IL1RAPL2: variants seen among roughly 807,000 people sequenced by gnomAD.
IL1RAPL2 encodes the protein interleukin 1 receptor accessory protein like 2.
IL1RAPL2 carries 3 observed loss-of-function variants against 44.1 expected under a neutral mutation model. That is an observed-to-expected ratio of 0.07 (90% CI 0.03 to 0.18). IL1RAPL2 has a LOEUF of 0.18. Among genes scored for constraint, IL1RAPL2 ranks in the 10% least tolerant of loss-of-function variants. The probability of loss-of-function intolerance (pLI) is 1.00; values close to 1 mark genes in which losing one functional copy is unlikely to be tolerated. For missense variants in IL1RAPL2, 391 were observed against 496.4 expected, an observed-to-expected ratio of 0.79 and a Z score of 2.02; for synonymous variants, 181 against 178.8, an observed-to-expected ratio of 1.01 and a Z score of -0.10.
intron 2 of IL1RAPL2, among the ~76,000 whole-genome samples, chrX:104,946,058 T>C (rs1199970270): frequency 1.8e-5 from 2 of 110,303 alleles, no homozygotes; most frequent in Admixed American, 9.7e-5. Context: ...TCATTTATTA[T>C]TTTTTTATAT....
At chrX:105,084,919 C>T (rs777801383) in intron 2 of IL1RAPL2, among the ~76,000 whole-genome samples, 3 of 111,162 alleles carry the variant, frequency 2.7e-5, no homozygotes, top group Non-Finnish European at 5.7e-5. Context: ...AGGCTGTTCT[C>T]ATCATAGTGA....
In IL1RAPL2 at chrX:104,729,558, G is replaced by A. The variant is rs775921742; in HGVS notation, c.82+70563G>A. Among the ~76,000 whole-genome samples, 3 of 105,117 alleles carry A rather than the reference G, an allele frequency of 2.9e-5. No homozygotes were observed. The East Asian group carries it at 9.3e-4, about 32-fold the overall frequency. The allele number at this position is 105,117 out of a possible 115,157, so 91.3% of individuals were successfully genotyped here. Reference sequence around the variant, plus strand: ...GGTACATATACAGGTTTGTTATATAGGTAAAGTCATGTCATGAGGGCATGT... The same window carrying A: ...GGTACATATACAGGTTTGTTATATAAGTAAAGTCATGTCATGAGGGCATGT... On this transcript the variant is annotated intron_variant, in intron 2 of 10. Coordinates refer to ENST00000372582, the MANE Select transcript of IL1RAPL2 (RefSeq NM_017416.2).
chrX:105,276,143 C>T (rs989086001), intron 5 of IL1RAPL2, among the ~76,000 whole-genome samples: 9 of 112,636 alleles, frequency 8.0e-5, no homozygotes, highest in African/African-American at 2.6e-4. Context: ...CGGTGGCTCA[C>T]GCCTGTAATC....
At chrX:105,344,635 G>T (rs1412373884) in intron 5 of IL1RAPL2, among the ~76,000 whole-genome samples, 2 of 111,618 alleles carry the variant, frequency 1.8e-5, no homozygotes, top group Non-Finnish European at 3.8e-5. Context: ...TCATTCATAG[G>T]ACAAGTATAC....
chrX:105,443,033 A>G (rs1482519496), intron 5 of IL1RAPL2, among the ~76,000 whole-genome samples: 1 of 111,630 alleles, frequency 9.0e-6, no homozygotes, highest in African/African-American at 3.3e-5. Context: ...GTGAAATTGC[A>G]CCACTGCACT....
chrX:104,638,409 T>C (rs1342736682), intron 1 of IL1RAPL2, among the ~76,000 whole-genome samples: 1 of 111,609 alleles, frequency 9.0e-6, no homozygotes, highest in African/African-American at 3.3e-5. Context: ...ATTTTGAGTT[T>C]GGTTTGTACT....
At chrX:104,633,185 T>C (rs1188507980) in intron 1 of IL1RAPL2, among the ~76,000 whole-genome samples, 1 of 111,859 alleles carries the variant, frequency 8.9e-6, no homozygotes, top group Non-Finnish European at 1.9e-5. Context: ...ATCCCAGGGA[T>C]GAAGTCCACT....
intron 2 of IL1RAPL2, among the ~76,000 whole-genome samples, chrX:104,734,644 G>A (rs1931981454): frequency 9.0e-6 from 1 of 111,632 alleles, no homozygotes; most frequent in African/African-American, 3.3e-5. Context: ...GAGGGAGAGT[G>A]TGACTACAAA....
chrX:105,457,706 G>A (rs1003216177), intron 5 of IL1RAPL2, among the ~76,000 whole-genome samples: 3 of 106,893 alleles, frequency 2.8e-5, no homozygotes, highest in Non-Finnish European at 5.8e-5. Context: ...AAACATTTTG[G>A]CTTTACATTC....
rs748390815 is a variant in IL1RAPL2, at chrX:105,373,845, G to A, written c.697+106304G>A. 7.2e-5 allele frequency among the ~76,000 whole-genome samples: 8 copies of A among 110,490 alleles called. No homozygotes were observed. In the South Asian group the frequency reaches 1.2e-3, roughly 16 times the overall value. On this transcript the variant is annotated intron_variant, in intron 5 of 10. Transcript: ENST00000372582. Reference sequence around the variant, plus strand: ...TAAAGAACAGATGGCTGGTCTGGGCGCAGTGGCTCACTCCTATAATCCCAG... The same window carrying A: ...TAAAGAACAGATGGCTGGTCTGGGCACAGTGGCTCACTCCTATAATCCCAG...
chrX:105,178,755 G>A (rs2147603955), intron 2 of IL1RAPL2, among the ~76,000 whole-genome samples: 1 of 111,577 alleles, frequency 9.0e-6, no homozygotes, highest in South Asian at 3.8e-4. Flanking sequence ...GTGATATTGA[G>A]CATTTTTCAT....
rs1163542519 is a variant in IL1RAPL2, at chrX:104,855,684, T to G, written c.82+196689T>G. ...ACTGTGCTAAGGATCTGGATCCGTT[T>G]TTTTTTTTTTTTTTACTGTATCTCT... is the stretch of plus-strand genomic sequence containing the variant. On this transcript the variant is annotated intron_variant, in intron 2 of 10. Coordinates refer to ENST00000372582, the MANE Select transcript of IL1RAPL2 (RefSeq NM_017416.2). Among the ~76,000 whole-genome samples the G allele has an allele frequency of 1.2e-4, 11 of 92,623 alleles. 5 individuals are homozygous for G. Among genetic ancestry groups the G allele is most frequent in the Non-Finnish European group, 2.2e-4 (10 of 44,958 alleles). 80.4% of individuals were successfully genotyped at this position (92,623 alleles called of 115,157 possible).
intron 6 of IL1RAPL2, among the ~76,000 whole-genome samples, chrX:105,531,961 T>A (rs921807302): frequency 3.6e-5 from 4 of 111,592 alleles, no homozygotes; most frequent in South Asian, 3.8e-4. Flanking sequence ...TGACTATAGC[T>A]CTGTAGTATA....
At chrX:105,399,718 A>G (rs2035593056) in intron 5 of IL1RAPL2, among the ~76,000 whole-genome samples, 1 of 111,594 alleles carries the variant, frequency 9.0e-6, no homozygotes, top group African/African-American at 3.2e-5. Flanking sequence ...TCATTTATTT[A>G]TGAGCACCTA....
At chrX:105,684,683 C>T (rs1487419016) in intron 6 of IL1RAPL2, among the ~76,000 whole-genome samples, 1 of 112,107 alleles carries the variant, frequency 8.9e-6, no homozygotes, top group Non-Finnish European at 1.9e-5. Context: ...GCAGTGGTTC[C>T]CCCAGCATGG....
chrX:104,918,588 T>C lies in IL1RAPL2; in HGVS notation c.82+259593T>C, dbSNP rs907204777. Among the ~76,000 whole-genome samples the C allele has an allele frequency of 2.7e-5, 3 of 112,187 alleles. No individual in the cohort carries two copies. The Admixed American group carries it at 2.8e-4, about 11-fold the overall frequency. ...CTTAGCATTTTACTTCCACAACCTA[T>C]GGTCTTAACTTCTGTTGCTAACTTA... is the stretch of plus-strand genomic sequence containing the variant. On this transcript the variant is annotated intron_variant, in intron 2 of 10. Transcript: ENST00000372582.
intron 1 of IL1RAPL2, among the ~76,000 whole-genome samples, chrX:104,606,361 C>A (rs941595730): frequency 1.8e-5 from 2 of 111,397 alleles, no homozygotes; most frequent in African/African-American, 6.5e-5. Flanking sequence ...ACAGCCAATA[C>A]CATACTGAAT....
At chrX:105,503,417 G>A (rs779196671) in intron 6 of IL1RAPL2, among the ~76,000 whole-genome samples, 4 of 111,667 alleles carry the variant, frequency 3.6e-5, no homozygotes, top group South Asian at 3.8e-4. Flanking sequence ...ATATTAATGC[G>A]CTTTGGTCTT....
intron 2 of IL1RAPL2, among the ~76,000 whole-genome samples, chrX:104,839,999 T>A (rs1198474891): frequency 8.9e-6 from 1 of 111,860 alleles, no homozygotes; most frequent in Non-Finnish European, 1.9e-5. Context: ...TTTTGTTAAT[T>A]TTTTCTAACA....
Sources: gnomAD v4.1 joint callset for allele counts (sites outside exome capture counted in the v4.1 genomes callset) on GRCh38, gnomAD v4.1.1 for gene constraint, MANE v1.5 for transcripts, NCBI Gene and HGNC (gene_info 2026-07-23, HGNC 2026-07-21) for gene names.